SCD5: variants seen among roughly 807,000 people sequenced by gnomAD.
The protein encoded by SCD5 is acyl-CoA-desaturase 4.
Under a neutral mutation model 30.4 loss-of-function variants are expected in SCD5, and 20 were observed. The ratio of observed to expected loss-of-function variants is 0.66; its 90% CI spans 0.46 to 0.96. SCD5 has a LOEUF of 0.96. SCD5 is among the 40% of genes least tolerant of loss of function. The probability of loss-of-function intolerance (pLI) is 0.00; values close to 1 mark genes in which losing one functional copy is unlikely to be tolerated. For missense variants in SCD5, 381 were observed against 443.3 expected, an observed-to-expected ratio of 0.86 and a Z score of 1.26; for synonymous variants, 173 against 176.4, an observed-to-expected ratio of 0.98 and a Z score of 0.16.
rs919821057 is a variant in SCD5, at chr4:82,752,997, C to T, written c.232+45309G>A. 2.0e-5 allele frequency among the ~76,000 whole-genome samples: 3 copies of T among 152,138 alleles called. No homozygotes were observed. In the South Asian group the frequency reaches 6.2e-4, roughly 32 times the overall value. The stretch of plus-strand genomic sequence containing the variant: ...AAACTCAGTAAGGAACTGCAGGGAC[C>T]TTAAAGACCATCCAGACTTTGGCTG... On this transcript the variant is annotated intron_variant, in intron 1 of 4. Transcript: ENST00000319540.
At chr4:82,689,191 G>A (rs1284577138) in intron 2 of SCD5, among the ~76,000 whole-genome samples, 2 of 152,214 alleles carry the variant, frequency 1.3e-5, no homozygotes, top group African/African-American at 4.8e-5. Context: ...GACTGGGGTA[G>A]GAAAAGTACA....
chr4:82,687,257 T>G (rs925063617), intron 2 of SCD5, among the ~76,000 whole-genome samples: 4 of 151,608 alleles, frequency 2.6e-5, no homozygotes, highest in Non-Finnish European at 4.4e-5. Flanking sequence ...AATCCATTTT[T>G]AATAAAAAAT....
At chr4:82,709,140 T>C (rs1024912348) in intron 1 of SCD5, among the ~76,000 whole-genome samples, 10 of 152,192 alleles carry the variant, frequency 6.6e-5, no homozygotes. Flanking sequence ...GCAGAGTTCA[T>C]TCTAGCAGGA....
rs147437374 is a variant in SCD5, at chr4:82,684,377, A to G, written c.364-3465T>C. 1.3e-3 allele frequency among the ~76,000 whole-genome samples: 197 copies of G among 152,360 alleles called. 5 individuals are homozygous for G. In the East Asian group the frequency reaches 0.03, roughly 24 times the overall value. On this transcript the variant is annotated intron_variant, in intron 2 of 4. Coordinates refer to ENST00000319540, the MANE Select transcript of SCD5 (RefSeq NM_001037582.3). ...GTTTTGTAGTTCTTGGGAACTTGGT[A>G]ATAAATAAATTAAAAAAAGAAATTA...
chr4:82,668,348 G>A (rs1203259189), intron 3 of SCD5, among the ~76,000 whole-genome samples: 1 of 152,160 alleles, frequency 6.6e-6, no homozygotes, highest in Non-Finnish European at 1.5e-5. Flanking sequence ...GGTGTCTGTA[G>A]AGAGAGGGGC....
intron 3 of SCD5, among the ~76,000 whole-genome samples, chr4:82,648,584 A>T (rs7679857): frequency 0.18 from 27,979 of 152,076 alleles, 2,747 homozygotes; most frequent in East Asian, 0.37. Context: ...GTCTTGTCTG[A>T]GTCATTATAT....
intron 3 of SCD5, among the ~76,000 whole-genome samples, chr4:82,654,562 G>C (rs958105193): frequency 6.6e-6 from 1 of 152,142 alleles, no homozygotes; most frequent in South Asian, 2.1e-4. Context: ...AAAGCAAAAA[G>C]GGGAGAATGT....
At chr4:82,687,805 G>A (rs7693112) in intron 2 of SCD5, among the ~76,000 whole-genome samples, 121,697 of 152,126 alleles carry the variant, frequency 0.8, 48,885 homozygotes, top group Middle Eastern at 0.87. Flanking sequence ...CCGAAAAGAG[G>A]TATGAAGCAA....
At chr4:82,654,563 G>C (rs1727829595) in intron 3 of SCD5, among the ~76,000 whole-genome samples, 1 of 152,176 alleles carries the variant, frequency 6.6e-6, no homozygotes, top group Non-Finnish European at 1.5e-5. Flanking sequence ...AAGCAAAAAG[G>C]GGAGAATGTG....
chr4:82,779,208 G>A (rs951525160), intron 1 of SCD5, among the ~76,000 whole-genome samples: 1 of 151,666 alleles, frequency 6.6e-6, no homozygotes, highest in Admixed American at 6.6e-5. Flanking sequence ...CCTCAACTAT[G>A]TGGGTGTGCT....
At chr4:82,649,853 G>C (rs1727709306) in intron 3 of SCD5, among the ~76,000 whole-genome samples, 2 of 152,176 alleles carry the variant, frequency 1.3e-5, no homozygotes, top group Non-Finnish European at 2.9e-5. Context: ...GTATCTTTGA[G>C]GGTCACCGGG....
At chr4:82,687,655 C>G (rs1167780839) in intron 2 of SCD5, among the ~76,000 whole-genome samples, 1 of 152,202 alleles carries the variant, frequency 6.6e-6, no homozygotes, top group African/African-American at 2.4e-5. Context: ...ACTTCACTAT[C>G]CATGATTGAT....
At chr4:82,714,678 A>G (rs1258961575) in intron 1 of SCD5, among the ~76,000 whole-genome samples, 1 of 152,114 alleles carries the variant, frequency 6.6e-6, no homozygotes, top group Non-Finnish European at 1.5e-5. Context: ...GAGCATCCCT[A>G]ATCTGAAAAT....
At chr4:82,738,746 A>G (rs1720806928) in intron 1 of SCD5, among the ~76,000 whole-genome samples, 2 of 152,248 alleles carry the variant, frequency 1.3e-5, no homozygotes, top group South Asian at 4.1e-4. Context: ...ATACAACTAC[A>G]TAGCAGTTCC....
At chr4:82,668,070 TGCTGA>T (rs1284159855) in intron 3 of SCD5, among the ~76,000 whole-genome samples, 2 of 152,196 alleles carry the variant, frequency 1.3e-5, no homozygotes, top group African/African-American at 4.8e-5. Flanking sequence ...AAAAGAGTCT[TGCTGA>T]GCAATAGGTT....
chr4:82,676,934 G>T (rs981036657), intron 3 of SCD5, among the ~76,000 whole-genome samples: 1 of 152,182 alleles, frequency 6.6e-6, no homozygotes, highest in African/African-American at 2.4e-5. Flanking sequence ...ATCTTTTAGG[G>T]TCTGGAAGTA....
intron 4 of SCD5, 59 bp from the exon 5 acceptor site, chr4:82,631,576 T>A (rs1727294234): frequency 2.6e-6 from 4 of 1,550,864 alleles, no homozygotes; most frequent in Non-Finnish European, 3.5e-6. Flanking sequence ...ATAGATGTTT[T>A]GAATCACCTA....
At chr4:82,645,940 G>A (rs193142761) in intron 3 of SCD5, among the ~76,000 whole-genome samples, 22 of 152,236 alleles carry the variant, frequency 1.4e-4, no homozygotes, top group Admixed American at 1.3e-4. Flanking sequence ...GTCTGCAAGC[G>A]TTTTCCTACT....
At chr4:82,794,813 C>A (rs1488326465) in intron 1 of SCD5, among the ~76,000 whole-genome samples, 1 of 152,132 alleles carries the variant, frequency 6.6e-6, no homozygotes, top group African/African-American at 2.4e-5. Context: ...CCACGCCCGG[C>A]TAATTTTTGT....
Sources: allele counts gnomAD v4.1 joint callset (sites outside exome capture counted in the v4.1 genomes callset), GRCh38; gene constraint gnomAD v4.1.1; transcripts MANE v1.5; gene names NCBI Gene and HGNC (gene_info 2026-07-23, HGNC 2026-07-21).